The following MORN1 variants were observed in gnomAD, a reference collection of about 807,000 sequenced individuals.
MORN1 encodes the protein MORN repeat-containing protein 1.
Under a neutral mutation model 61.9 loss-of-function variants are expected in MORN1, and 67 were observed. The observed-to-expected ratio is 1.08, with a 90% CI of 0.89 to 1.33. The LOEUF is 1.33. Ranked by LOEUF, MORN1 falls within the 40% of genes most tolerant of loss-of-function variation. The pLI is 0.00. For synonymous variants in MORN1, 301 were observed against 292.0 expected (o/e 1.03, Z -0.31); for missense variants, 752 against 691.2 (o/e 1.09, Z -0.99).
At chr1:2,351,833 C>T in intron 10 of MORN1, 1 of 526,234 alleles carries the variant, frequency 1.9e-6, no homozygotes, top group African/African-American at 2.0e-5. Flanking sequence ...TGTGTGGCAG[C>T]ATCTTGCTAC....
At chr1:2,345,529 C>T (rs1481068699) in intron 10 of MORN1, among the ~76,000 whole-genome samples, 1 of 152,248 alleles carries the variant, frequency 6.6e-6, no homozygotes, top group East Asian at 1.9e-4. Context: ...GACCCTCAGG[C>T]CGCTCAGAGG....
intron 8 of MORN1, among the ~76,000 whole-genome samples, chr1:2,361,385 C>A (rs888905021): frequency 6.6e-6 from 1 of 151,968 alleles, no homozygotes; most frequent in Non-Finnish European, 1.5e-5. Flanking sequence ...GTCAAAACCC[C>A]GTCTCTACTA....
intron 8 of MORN1, among the ~76,000 whole-genome samples, chr1:2,359,313 T>C (rs1391530479): frequency 6.6e-6 from 1 of 152,202 alleles, no homozygotes; most frequent in East Asian, 1.9e-4. Flanking sequence ...GCCCACCAAG[T>C]GTCTGCTGAG....
chr1:2,328,288 C>A (rs1403548206), intron 12 of MORN1, among the ~76,000 whole-genome samples: 1 of 152,250 alleles, frequency 6.6e-6, no homozygotes, highest in Non-Finnish European at 1.5e-5. Flanking sequence ...CTGTGAGGCC[C>A]AGGGGACCCC....
chr1:2,362,303 T>C (rs1244057047), intron 8 of MORN1, among the ~76,000 whole-genome samples: 1 of 152,228 alleles, frequency 6.6e-6, no homozygotes, highest in Non-Finnish European at 1.5e-5. Flanking sequence ...CCTTGCTGTC[T>C]TCACATTGAA....
At chr1:2,348,434 A>G (rs1179185849) in intron 10 of MORN1, among the ~76,000 whole-genome samples, 1 of 151,860 alleles carries the variant, frequency 6.6e-6, no homozygotes, top group Non-Finnish European at 1.5e-5. Flanking sequence ...TCTGCCCTCC[A>G]TGGGGGAAGT....
rs372195470 is a variant in MORN1 at position 2,389,131 on chromosome 1, A to G, written c.148+794T>C. ...CTGTCTCCAAAAAAAAAAAAAAAGA[A>G]AAAAGAAACAAAACTGGCAGAGAGC... is the stretch of plus-strand genomic sequence containing the variant. On this transcript the variant is annotated intron_variant, in intron 2 of 13. Coordinates refer to ENST00000378531, the MANE Select transcript of MORN1 (RefSeq NM_024848.3). Among the ~76,000 whole-genome samples the G allele has an allele frequency of 1.5e-4, 22 of 147,668 alleles. 1 individual carries two copies. The highest frequency in any genetic ancestry group is 2.2e-4 in the African/African-American group (9 of 40,434).
intron 3 of MORN1, 112 bp downstream of exon 3, chr1:2,388,127 G>T: frequency 1.2e-6 from 1 of 837,636 alleles, no homozygotes; most frequent in Non-Finnish European, 1.9e-6. Flanking sequence ...GCCTCTCACG[G>T]CACAAAGCTT....
intron 10 of MORN1, among the ~76,000 whole-genome samples, chr1:2,342,867 A>ATTTTATTTTATTTTATTTAT (rs370414567): frequency 0.012 from 1,242 of 101,028 alleles, 15 homozygotes; most frequent in Non-Finnish European, 0.02. Flanking sequence ...ATTTTATTTT[A>ATTTTATTTTATTTTATTTAT]TTTATTTTAT....
In MORN1 at chr1:2,368,615, C is replaced by G. The variant is rs140169416; in HGVS notation, c.745+3866G>C. Among the ~76,000 whole-genome samples the G allele has an allele frequency of 1.8e-4, 28 of 152,288 alleles. No individual in the cohort carries two copies. In the East Asian group the frequency reaches 3.1e-3, roughly 17 times the overall value. On this transcript the variant is annotated intron_variant, in intron 8 of 13. Coordinates refer to ENST00000378531, the MANE Select transcript of MORN1 (RefSeq NM_024848.3). ...TGTGTCTGAGCCCCACTTCTGGAGTCAAGTTCTGCCTCTTATCTCCATTTC... is the reference window on the plus strand; with the variant it reads ...TGTGTCTGAGCCCCACTTCTGGAGTGAAGTTCTGCCTCTTATCTCCATTTC...
intron 13 of MORN1, chr1:2,322,457 C>T: frequency 1.0e-6 from 1 of 985,422 alleles, no homozygotes; most frequent in Non-Finnish European, 1.2e-6. Context: ...GCCTCCTCGG[C>T]CAGGCCACGG....
chr1:2,382,037 C>T (rs1642383629), intron 6 of MORN1, among the ~76,000 whole-genome samples: 1 of 152,090 alleles, frequency 6.6e-6, no homozygotes. Context: ...AGTGTGGACC[C>T]GAGTTGGCGC....
At chr1:2,353,918 T>A (rs769511651) in intron 10 of MORN1, among the ~76,000 whole-genome samples, 2 of 152,138 alleles carry the variant, frequency 1.3e-5, no homozygotes, top group Non-Finnish European at 2.9e-5. Context: ...AATTCATGGA[T>A]CATGGTTGGG....
At chr1:2,370,630 T>C (rs369103661) in intron 8 of MORN1, among the ~76,000 whole-genome samples, 23 of 152,100 alleles carry the variant, frequency 1.5e-4, no homozygotes, top group African/African-American at 3.4e-4. Flanking sequence ...AAGAACTCTA[T>C]AGCTAAAAAT....
intron 12 of MORN1, among the ~76,000 whole-genome samples, chr1:2,324,603 G>C (rs956156424): frequency 6.6e-6 from 1 of 152,160 alleles, no homozygotes; most frequent in African/African-American, 2.4e-5. Context: ...CGGTGGTATG[G>C]TGCCCCCTTG....
chr1:2,354,067 G>A (rs1295764795), intron 10 of MORN1, among the ~76,000 whole-genome samples: 2 of 151,610 alleles, frequency 1.3e-5, no homozygotes, highest in East Asian at 2.0e-4. Flanking sequence ...AGCAGATCAC[G>A]TGAGGTCAGG....
At position 2,337,544 on chromosome 1, in the gene MORN1, G is replaced by C. The variant is rs1296309203; in HGVS notation, c.1037-694C>G. 6.6e-6 allele frequency among the ~76,000 whole-genome samples: 1 copy of C among 152,148 alleles called. No individual in the cohort carries two copies. The highest frequency in any genetic ancestry group is 1.5e-5 in the Non-Finnish European group (1 of 68,028). On this transcript the variant is annotated intron_variant, in intron 10 of 13. Coordinates refer to ENST00000378531, the MANE Select transcript of MORN1 (RefSeq NM_024848.3). The surrounding 1 kb of genome is among the most constrained non-coding windows in gnomAD (Gnocchi z 5.7). Reference sequence around the variant, plus strand: ...GGGGCTCCCCTCTGGCTTCCCCCACGCACAGATGGAGCTGCAGCCCCCAGG... The same window carrying C: ...GGGGCTCCCCTCTGGCTTCCCCCACCCACAGATGGAGCTGCAGCCCCCAGG...
At chr1:2,333,708 C>T (rs1187577466) in intron 12 of MORN1, among the ~76,000 whole-genome samples, 2 of 152,216 alleles carry the variant, frequency 1.3e-5, no homozygotes, top group East Asian at 3.9e-4. Flanking sequence ...GAAGCGGCAG[C>T]CCCAACGGTG....
intron 12 of MORN1, among the ~76,000 whole-genome samples, chr1:2,331,267 C>T (rs531028666): frequency 7.5e-4 from 114 of 152,284 alleles, no homozygotes; most frequent in Non-Finnish European, 1.3e-3. Flanking sequence ...ACTCGGGACC[C>T]CTCTCCTGGT....
Sources: allele counts gnomAD v4.1 joint callset (sites outside exome capture counted in the v4.1 genomes callset), GRCh38; gene constraint gnomAD v4.1.1; non-coding constraint Gnocchi (gnomAD v3.1); transcripts MANE v1.5; gene names NCBI Gene and HGNC (gene_info 2026-07-23, HGNC 2026-07-21).